The following ARNT2 variants were observed in gnomAD, a reference collection of about 807,000 sequenced individuals.
ARNT2 encodes aryl hydrocarbon receptor nuclear translocator 2.
In ARNT2, 36 loss-of-function variants were observed where a neutral mutation model predicts 91.7. That is an observed-to-expected ratio of 0.39 (90% CI 0.30 to 0.52). The LOEUF (loss-of-function observed/expected upper bound fraction) is 0.52, where lower values mean the gene tolerates loss of function less well. Ranked by LOEUF, ARNT2 falls within the 20% of genes least tolerant of loss-of-function variation. ARNT2 has a pLI of 0.72. For missense variants in ARNT2, 775 were observed against 939.3 expected (o/e 0.83, Z 2.29); for synonymous variants, 365 against 347.1 (o/e 1.05, Z -0.57).
intron 1 of ARNT2, among the ~76,000 whole-genome samples, chr15:80,427,157 TA>T (rs1181571134): frequency 1.3e-5 from 2 of 152,100 alleles, no homozygotes; most frequent in Non-Finnish European, 2.9e-5. Flanking sequence ...TTTGGGGCAA[TA>T]AGGTAATAAA....
chr15:80,540,893 A>G (rs1031657299), intron 8 of ARNT2, among the ~76,000 whole-genome samples: 3 of 151,886 alleles, frequency 2.0e-5, no homozygotes, highest in African/African-American at 7.3e-5. Flanking sequence ...TATCTGGTCC[A>G]CTCTAGATGG....
At chr15:80,477,007 C>G (rs1256832623) in intron 5 of ARNT2, among the ~76,000 whole-genome samples, 1 of 152,204 alleles carries the variant, frequency 6.6e-6, no homozygotes. Flanking sequence ...TGAGTTCTCA[C>G]AAGATCTGGT....
At chr15:80,408,824 A>T (rs1208429988) in intron 1 of ARNT2, among the ~76,000 whole-genome samples, 1 of 152,252 alleles carries the variant, frequency 6.6e-6, no homozygotes, top group Non-Finnish European at 1.5e-5. Context: ...AAAAGGAAGA[A>T]GTGATACCTG....
In ARNT2 at chr15:80,423,994, C is replaced by T. The variant is rs1895899808; in HGVS notation, c.31+19448C>T. ...CTCTTCCTCGTGGTCCCTTAGCTTTCCCCACCTTGTGTTGGTTTTATTCTC... is the reference window on the plus strand; with the variant it reads ...CTCTTCCTCGTGGTCCCTTAGCTTTTCCCACCTTGTGTTGGTTTTATTCTC... On this transcript the variant is annotated intron_variant, in intron 1 of 18. Transcript: ENST00000303329. Among the ~76,000 whole-genome samples, 3 of 152,218 alleles carry T rather than the reference C, an allele frequency of 2.0e-5. No homozygotes were observed. In the South Asian group the frequency reaches 6.2e-4, roughly 32 times the overall value.
Position 80,470,425 on chromosome 15 carries a change from A to G in ARNT2, c.402A>G (p.Thr134=). ...GCGCGTACAAGCCTTCCTTCCTCAC[A>G]GAGCAGGTACCCTGGTCATCACATC... is the stretch of plus-strand genomic sequence containing the variant. The part of the protein sequence containing the change: ...TDGAYKPSFL[T]EQELKHLILE... Residue 134 remains threonine, a synonymous_variant, in exon 4 of 19, where the codon ACA becomes ACG. Coordinates refer to ENST00000303329, the MANE Select transcript of ARNT2 (RefSeq NM_014862.4). 6.2e-7 allele frequency: 1 copy of G among 1,614,162 alleles called. No homozygotes were observed. The highest frequency in any genetic ancestry group is 8.5e-7 in the Non-Finnish European group (1 of 1,180,010).
chr15:80,583,309 G>A (rs890582967), intron 17 of ARNT2, among the ~76,000 whole-genome samples: 3 of 152,226 alleles, frequency 2.0e-5, no homozygotes, highest in South Asian at 2.1e-4. Context: ...TGGCCGTGAC[G>A]AGACAGGTGG....
intron 3 of ARNT2, among the ~76,000 whole-genome samples, chr15:80,468,103 A>C (rs765142129): frequency 2.6e-5 from 4 of 151,824 alleles, no homozygotes; most frequent in African/African-American, 7.3e-5. Context: ...TTTCTCCTGG[A>C]GAGTATATGC....
intron 12 of ARNT2, among the ~76,000 whole-genome samples, chr15:80,563,532 C>A (rs766344567): frequency 6.6e-6 from 1 of 152,232 alleles, no homozygotes; most frequent in African/African-American, 2.4e-5. Context: ...TCCCCCTGAG[C>A]ATGGACCTCA....
chr15:80,510,167 G>A (rs1336238496), intron 6 of ARNT2, among the ~76,000 whole-genome samples: 2 of 152,142 alleles, frequency 1.3e-5, no homozygotes, highest in East Asian at 3.9e-4. Flanking sequence ...CCTTCAGGCA[G>A]GGTGTGAGGA....
rs192017080 is a variant in ARNT2 at position 80,480,192 on chromosome 15, G to A, written c.622+4969G>A. 7.8e-4 allele frequency among the ~76,000 whole-genome samples: 119 copies of A among 152,250 alleles called. 1 individual carries two copies. Among genetic ancestry groups the A allele is most frequent in the Non-Finnish European group, 6.0e-4 (41 of 68,008 alleles). On this transcript the variant is annotated intron_variant, in intron 5 of 18. Coordinates refer to ENST00000303329, the MANE Select transcript of ARNT2 (RefSeq NM_014862.4). ...AATTAATGATCCTGGATATCTGAGT[G>A]GCCTAAGCCCCAGCTCTCTGCAGGG...
intron 1 of ARNT2, among the ~76,000 whole-genome samples, chr15:80,418,156 A>G (rs2141559165): frequency 6.6e-6 from 1 of 152,278 alleles, no homozygotes; most frequent in East Asian, 1.9e-4. Flanking sequence ...GTTGGGGAGG[A>G]AAAACCAGAT....
intron 1 of ARNT2, among the ~76,000 whole-genome samples, chr15:80,412,164 A>G (rs1895688670): frequency 1.3e-5 from 2 of 152,246 alleles, no homozygotes; most frequent in Admixed American, 1.3e-4. Context: ...TGCCAAGTCT[A>G]TAACAATTTG....
rs558281643 is a variant in ARNT2, at chr15:80,404,475, C to T, written c.-41C>T. 1.1e-5 allele frequency: 13 copies of T among 1,214,132 alleles called. No homozygotes were observed. The African/African-American group carries it at 1.8e-4, about 17-fold the overall frequency. 75.2% of individuals were successfully genotyped at this position (1,214,132 alleles called of 1,614,324 possible). A position where few individuals can be genotyped will look rare whatever the true frequency, so the allele number is the denominator to read the frequency against. Reference sequence around the variant, plus strand: ...AGCGCCGGGCTCCGCGCCGCCCCTCCCGCGCCCCTGCCAAGCGGGCGCCTA... The same window carrying T: ...AGCGCCGGGCTCCGCGCCGCCCCTCTCGCGCCCCTGCCAAGCGGGCGCCTA... On this transcript the variant is annotated 5_prime_UTR_variant, in exon 1 of 19. Coordinates refer to ENST00000303329, the MANE Select transcript of ARNT2 (RefSeq NM_014862.4). This position sits in a 1 kb window ranked among gnomAD's most constrained non-coding sequence, Gnocchi z 5.5.
At chr15:80,526,817 G>T (rs1897647426) in intron 8 of ARNT2, among the ~76,000 whole-genome samples, 2 of 152,214 alleles carry the variant, frequency 1.3e-5, no homozygotes, top group African/African-American at 2.4e-5. Flanking sequence ...GCTCAGTTTT[G>T]CCATGAGCTC....
intron 11 of ARNT2, among the ~76,000 whole-genome samples, chr15:80,560,574 A>G (rs1898319776): frequency 6.6e-6 from 1 of 151,878 alleles, no homozygotes; most frequent in Non-Finnish European, 1.5e-5. Context: ...CAAATTTCAC[A>G]CTGTCTCGGG....
chr15:80,451,593 A>G (rs950486288), intron 2 of ARNT2, among the ~76,000 whole-genome samples: 4 of 152,206 alleles, frequency 2.6e-5, no homozygotes, highest in Non-Finnish European at 5.9e-5. Flanking sequence ...TTCATGATCC[A>G]TAATGTTTGT....
At chr15:80,419,006 G>A (rs1895824901) in intron 1 of ARNT2, among the ~76,000 whole-genome samples, 1 of 152,142 alleles carries the variant, frequency 6.6e-6, no homozygotes, top group African/African-American at 2.4e-5. Context: ...TTCTTGAGGG[G>A]AGCGTCTTTC....
At chr15:80,585,213 A>G (rs1360310246) in intron 17 of ARNT2, among the ~76,000 whole-genome samples, 3 of 152,172 alleles carry the variant, frequency 2.0e-5, no homozygotes, top group Non-Finnish European at 4.4e-5. Flanking sequence ...GAGTCCAGTC[A>G]CAGCAAAAAC....
chr15:80,565,492 T>A (rs1358769617), intron 12 of ARNT2, among the ~76,000 whole-genome samples: 3 of 152,132 alleles, frequency 2.0e-5, no homozygotes, highest in Non-Finnish European at 4.4e-5. Context: ...GTGAGCATTC[T>A]CTTTTCTCTG....
Sources: allele counts gnomAD v4.1 joint callset (sites outside exome capture counted in the v4.1 genomes callset), GRCh38; gene constraint gnomAD v4.1.1; non-coding constraint Gnocchi (gnomAD v3.1); transcripts MANE v1.5; gene names NCBI Gene and HGNC (gene_info 2026-07-23, HGNC 2026-07-21).